KAT6B: variants seen among roughly 807,000 people sequenced by gnomAD.
The protein encoded by KAT6B is histone acetyltransferase KAT6B.
KAT6B carries 10 observed loss-of-function variants against 187.5 expected under a neutral mutation model. That is an observed-to-expected ratio of 0.05 (90% confidence interval 0.03 to 0.09). KAT6B has a LOEUF of 0.09. Among genes scored for constraint, KAT6B ranks in the 10% least tolerant of loss-of-function variants. The pLI, the probability that KAT6B is intolerant of heterozygous loss-of-function variation, is 1.00. For missense variants in KAT6B, 1,952 were observed against 2,558.9 expected (o/e 0.76, Z 5.12); for synonymous variants, 861 against 926.8 (o/e 0.93, Z 1.29).
chr10:74,862,407 T>G (rs756879582), intron 3 of KAT6B, among the ~76,000 whole-genome samples: 7 of 152,142 alleles, frequency 4.6e-5, no homozygotes, highest in African/African-American at 1.7e-4. Context: ...GTTCCCAAAC[T>G]TTGCTGCACA....
intron 1 of KAT6B, among the ~76,000 whole-genome samples, chr10:74,828,138 C>A (rs1037902011): frequency 4.6e-5 from 7 of 152,074 alleles, no homozygotes; most frequent in African/African-American, 1.7e-4. Context: ...CAGGCAAAGG[C>A]AGAGGAGGGG....
intron 3 of KAT6B, among the ~76,000 whole-genome samples, chr10:74,864,244 T>C (rs1321051968): frequency 6.6e-6 from 1 of 151,690 alleles, no homozygotes; most frequent in Non-Finnish European, 1.5e-5. Context: ...AATTTTTGTA[T>C]TTTTTGTATT....
intron 3 of KAT6B, among the ~76,000 whole-genome samples, chr10:74,886,005 A>G (rs1438761386): frequency 6.6e-6 from 1 of 152,174 alleles, no homozygotes; most frequent in Non-Finnish European, 1.5e-5. Flanking sequence ...TCCTGGGATT[A>G]CAGGTGTGAG....
chr10:75,030,089 G>A lies in KAT6B; in HGVS notation c.5265G>A (p.Val1755=), dbSNP rs1167685304. Residue 1755 remains valine, a synonymous_variant, in exon 18 of 18, where the codon GTG becomes GTA. Coordinates refer to ENST00000287239, the MANE Select transcript of KAT6B (RefSeq NM_012330.4). The surrounding 1 kb of genome is among the most constrained non-coding windows in gnomAD (Gnocchi z 4.8). ...GCGTCAAGTCTCCTCAAGGCTGTGT[G>A]GTGGAGAGGCCTCCGAGCAGCAGCC... ...TCSVKSPQGC[V]VERPPSSSQQ... is the part of the protein sequence containing the mutation. 3.7e-6 allele frequency: 6 copies of A among 1,614,098 alleles called. No homozygotes were observed. Among genetic ancestry groups the A allele is most frequent in the Middle Eastern group, 3.3e-4 (2 of 6,084 alleles).
intron 16 of KAT6B, among the ~76,000 whole-genome samples, chr10:75,023,026 G>A (rs1045391053): frequency 6.6e-6 from 1 of 152,180 alleles, no homozygotes; most frequent in African/African-American, 2.4e-5. Flanking sequence ...CCTTAATTTT[G>A]ATGGTGATAT....
At chr10:74,937,774 T>C (rs1371759134) in intron 3 of KAT6B, among the ~76,000 whole-genome samples, 2 of 152,240 alleles carry the variant, frequency 1.3e-5, no homozygotes, top group African/African-American at 4.8e-5. Context: ...TAAGTGCTCT[T>C]AAATGTTTGC....
chr10:74,883,313 G>A (rs1416791590), intron 3 of KAT6B, among the ~76,000 whole-genome samples: 1 of 152,158 alleles, frequency 6.6e-6, no homozygotes, highest in East Asian at 1.9e-4. Flanking sequence ...AGAAGATACA[G>A]TTTGATTTCA....
chr10:75,023,262 G>A (rs115851752), intron 16 of KAT6B, among the ~76,000 whole-genome samples: 1,865 of 152,286 alleles, frequency 0.012, 38 homozygotes, highest in African/African-American at 0.043. Context: ...CTAAGGCTCC[G>A]CCCCAAGGCC....
At chr10:75,016,859 C>CTTTT (rs11323524) in intron 13 of KAT6B, among the ~76,000 whole-genome samples, 2 of 68,760 alleles carry the variant, frequency 2.9e-5, no homozygotes, top group South Asian at 5.0e-4. Flanking sequence ...AAGATAAGTG[C>CTTTT]TTTTTTTTTT....
chr10:74,899,248 AATTATTATTATTATT>A (rs67324777), intron 3 of KAT6B, among the ~76,000 whole-genome samples: 27 of 142,326 alleles, frequency 1.9e-4, no homozygotes, highest in African/African-American at 5.3e-4. Context: ...ATTCTAAATG[AATTATTATTATTATT>A]ATTATTATTA....
chr10:74,845,019 C>A (rs1273029133), intron 3 of KAT6B, among the ~76,000 whole-genome samples: 1 of 151,652 alleles, frequency 6.6e-6, no homozygotes, highest in Non-Finnish European at 1.5e-5. Context: ...GAGTTCAAGA[C>A]TAGCCTGGGC....
intron 3 of KAT6B, among the ~76,000 whole-genome samples, chr10:74,915,793 G>T (rs1180677991): frequency 6.6e-6 from 1 of 152,208 alleles, no homozygotes; most frequent in Non-Finnish European, 1.5e-5. Flanking sequence ...CTCCCATATT[G>T]CTGCTCATTG....
At chr10:74,908,603 C>G (rs1846966793) in intron 3 of KAT6B, among the ~76,000 whole-genome samples, 1 of 151,474 alleles carries the variant, frequency 6.6e-6, no homozygotes, top group Non-Finnish European at 1.5e-5. Context: ...TATAAGTTGC[C>G]TAGTTTCAGG....
intron 3 of KAT6B, among the ~76,000 whole-genome samples, chr10:74,950,389 T>C (rs1437638338): frequency 6.6e-6 from 1 of 152,228 alleles, no homozygotes; most frequent in Non-Finnish European, 1.5e-5. Context: ...GAGGAATGGC[T>C]GTCCTGACCA....
intron 16 of KAT6B, among the ~76,000 whole-genome samples, chr10:75,023,307 C>G (rs1390551158): frequency 2.0e-5 from 3 of 152,234 alleles, no homozygotes; most frequent in Admixed American, 1.3e-4. Context: ...ACTTGCTGTT[C>G]TAACTCCCAG....
At chr10:74,863,571 T>C (rs1344452926) in intron 3 of KAT6B, among the ~76,000 whole-genome samples, 1 of 152,260 alleles carries the variant, frequency 6.6e-6, no homozygotes, top group Non-Finnish European at 1.5e-5. Flanking sequence ...AATTTATACT[T>C]ATGGGCAGAG....
intron 16 of KAT6B, chr10:75,023,356 T>A (rs1265815329): frequency 6.6e-6 from 1 of 152,186 alleles, no homozygotes; most frequent in Non-Finnish European, 1.5e-5. Flanking sequence ...TCTGGAAGGG[T>A]CTCCATGGGG....
At chr10:74,905,415 G>A (rs1285255358) in intron 3 of KAT6B, among the ~76,000 whole-genome samples, 2 of 152,168 alleles carry the variant, frequency 1.3e-5, no homozygotes, top group South Asian at 2.1e-4. Flanking sequence ...GAAAAGGTAG[G>A]CGGTAGGCTA....
intron 3 of KAT6B, among the ~76,000 whole-genome samples, chr10:74,954,349 A>G (rs1161075016): frequency 1.3e-5 from 2 of 152,186 alleles, no homozygotes; most frequent in Non-Finnish European, 2.9e-5. Context: ...TGTTTAATGG[A>G]TACAGAGTTT....
Sources: allele counts gnomAD v4.1 joint callset (sites outside exome capture counted in the v4.1 genomes callset), GRCh38; gene constraint gnomAD v4.1.1; non-coding constraint Gnocchi (gnomAD v3.1); transcripts MANE v1.5; gene names NCBI Gene and HGNC (gene_info 2026-07-23, HGNC 2026-07-21).